The following STPG2 variants were observed in gnomAD, a reference collection of about 807,000 sequenced individuals.
STPG2 encodes the protein sperm tail PG-rich repeat containing 2, also known as sperm-tail PG-rich repeat-containing protein 2.
Under a neutral mutation model 54.2 loss-of-function variants are expected in STPG2, and 56 were observed. The observed-to-expected ratio is 1.03, with a 90% CI of 0.83 to 1.29. The LOEUF is 1.29. Ranked by LOEUF, STPG2 falls within the 50% of genes most tolerant of loss-of-function variation. The probability of loss-of-function intolerance (pLI) is 0.00; values close to 1 mark genes in which losing one functional copy is unlikely to be tolerated. For missense variants in STPG2, 596 were observed against 544.9 expected (o/e 1.09, Z -0.93); for synonymous variants, 200 against 181.8 (o/e 1.10, Z -0.81).
In STPG2 at chr4:97,799,529, G is replaced by A. The variant is rs547268474; in HGVS notation, c.1204+41244C>T. ...ATTGGCCCCCACTCTCTTCTGGCTT[G>A]TAGAGTTTCTGCCGAGAGATCCGCT... On this transcript the variant is annotated intron_variant, in intron 9 of 10. Transcript: ENST00000295268. Among the ~76,000 whole-genome samples, 13 of 152,326 alleles carry A rather than the reference G, an allele frequency of 8.5e-5. No homozygotes were observed. In the East Asian group the frequency reaches 2.3e-3, roughly 27 times the overall value.
intron 8 of STPG2, among the ~76,000 whole-genome samples, chr4:97,901,411 T>G (rs1457418066): frequency 6.6e-6 from 1 of 151,956 alleles, no homozygotes; most frequent in African/African-American, 2.4e-5. Context: ...TGTTTGAGGA[T>G]GACATGTTCT....
intron 6 of STPG2, among the ~76,000 whole-genome samples, chr4:97,973,315 A>G (rs1292489396): frequency 6.6e-6 from 1 of 152,136 alleles, no homozygotes; most frequent in Non-Finnish European, 1.5e-5. Context: ...AGATTTGTGG[A>G]ACTTTGAACT....
At chr4:98,051,025 G>A (rs1175808094) in intron 5 of STPG2, among the ~76,000 whole-genome samples, 2 of 124,920 alleles carry the variant, frequency 1.6e-5, no homozygotes, top group Non-Finnish European at 1.8e-5. Context: ...AAAAAAAAAA[G>A]GAAAAAAATT....
chr4:97,648,779 A>C (rs1171927168), intron 10 of STPG2, among the ~76,000 whole-genome samples: 1 of 152,154 alleles, frequency 6.6e-6, no homozygotes, highest in African/African-American at 2.4e-5. Context: ...ACTAGAAATA[A>C]AAAATAAGTA....
intron 6 of STPG2, among the ~76,000 whole-genome samples, chr4:97,978,480 A>G (rs1734566161): frequency 6.6e-6 from 1 of 152,176 alleles, no homozygotes; most frequent in African/African-American, 2.4e-5. Context: ...GGACACATAG[A>G]GAGGAACCAC....
intron 5 of STPG2, among the ~76,000 whole-genome samples, chr4:98,020,387 A>T (rs1165511610): frequency 1.4e-5 from 2 of 144,000 alleles, no homozygotes; most frequent in Non-Finnish European, 3.1e-5. Context: ...CATGGTGGAT[A>T]AGCTTTTTGA....
intron 8 of STPG2, among the ~76,000 whole-genome samples, chr4:97,893,426 G>C (rs183241003): frequency 1.2e-4 from 19 of 152,124 alleles, no homozygotes; most frequent in Admixed American, 9.2e-4. Flanking sequence ...TAAAATAGAA[G>C]TTTATTTCTC....
chr4:97,944,477 G>T (rs956845530), intron 7 of STPG2, among the ~76,000 whole-genome samples: 2 of 151,806 alleles, frequency 1.3e-5, no homozygotes, highest in Admixed American at 6.6e-5. Context: ...TTCTTTATAT[G>T]CATTGAAGAT....
chr4:97,918,077 A>G (rs1731952414), intron 8 of STPG2, among the ~76,000 whole-genome samples: 1 of 152,096 alleles, frequency 6.6e-6, no homozygotes, highest in Non-Finnish European at 1.5e-5. Context: ...AGATAAAAAA[A>G]AACCTAAATC....
chr4:97,607,748 G>C (rs1283724040), intron 10 of STPG2, among the ~76,000 whole-genome samples: 1 of 152,020 alleles, frequency 6.6e-6, no homozygotes, highest in African/African-American at 2.4e-5. Context: ...GAATTGTGTT[G>C]ACTGTTGTCT....
chr4:97,601,463 G>A (rs1733459527), intron 10 of STPG2, among the ~76,000 whole-genome samples: 2 of 151,940 alleles, frequency 1.3e-5, no homozygotes, highest in Non-Finnish European at 2.9e-5. Context: ...CATATGGCAT[G>A]TTGTAAAAAT....
At chr4:97,584,882 A>C (rs1050366582) in intron 10 of STPG2, among the ~76,000 whole-genome samples, 1 of 151,834 alleles carries the variant, frequency 6.6e-6, no homozygotes. Context: ...AAAAATTGCC[A>C]ACAAAAAAAG....
At chr4:97,707,178 G>A (rs1267901212) in intron 10 of STPG2, among the ~76,000 whole-genome samples, 2 of 152,138 alleles carry the variant, frequency 1.3e-5, no homozygotes, top group Non-Finnish European at 2.9e-5. Flanking sequence ...GTGATGTGCT[G>A]ATAGGACCAT....
At chr4:97,498,826 A>T (rs961211055) in intron 4 of STPG2, among the ~76,000 whole-genome samples, 8 of 151,004 alleles carry the variant, frequency 5.3e-5, no homozygotes, top group African/African-American at 1.5e-4. Context: ...TTAACAAAAT[A>T]AAAAAAAAGT....
intron 4 of STPG2, among the ~76,000 whole-genome samples, chr4:97,537,374 C>A (rs1731560183): frequency 6.6e-6 from 1 of 152,166 alleles, no homozygotes; most frequent in Non-Finnish European, 1.5e-5. Flanking sequence ...ACAGTCTTAG[C>A]AAATGGCACA....
At chr4:98,130,039 T>C (rs1274445896) in intron 2 of STPG2, among the ~76,000 whole-genome samples, 3 of 151,536 alleles carry the variant, frequency 2.0e-5, no homozygotes, top group Non-Finnish European at 4.4e-5. Context: ...TTTGTATTTT[T>C]AGTAGAGATG....
Position 97,533,957 on chromosome 4 carries a change from AT to A in STPG2, c.462+178741del, listed in dbSNP as rs529678674. On this transcript the variant is annotated intron_variant, in intron 4 of 4. Coordinates refer to the STPG2 transcript ENST00000522676. Reference sequence around the variant, plus strand: ...GCAATTGTTAGGTTATATAATAAGTATTTTTTATTAAGTAGAAACTGCAAAA... The same window carrying A: ...GCAATTGTTAGGTTATATAATAAGTATTTTTATTAAGTAGAAACTGCAAAA... 5.5e-3 allele frequency among the ~76,000 whole-genome samples: 833 copies of A among 152,194 alleles called. 7 individuals are homozygous for A. Among genetic ancestry groups the A allele is most frequent in the Middle Eastern group, 0.02 (6 of 294 alleles).
At chr4:97,659,582 A>T (rs1181158841) in intron 10 of STPG2, among the ~76,000 whole-genome samples, 2 of 152,210 alleles carry the variant, frequency 1.3e-5, no homozygotes, top group African/African-American at 4.8e-5. Context: ...TTTACTTTTG[A>T]AGGAGTTATT....
At chr4:97,763,654 A>T (rs1469755532) in intron 9 of STPG2, among the ~76,000 whole-genome samples, 1 of 152,036 alleles carries the variant, frequency 6.6e-6, no homozygotes, top group Non-Finnish European at 1.5e-5. Context: ...TGTTCCCCTA[A>T]TGAAGACATT....
Sources: allele counts gnomAD v4.1 joint callset (sites outside exome capture counted in the v4.1 genomes callset), GRCh38; gene constraint gnomAD v4.1.1; transcripts MANE v1.5; gene names NCBI Gene and HGNC (gene_info 2026-07-23, HGNC 2026-07-21).